Variants in MAGI2 observed in about 807,000 individuals in gnomAD.
MAGI2 encodes the protein membrane-associated guanylate kinase, WW and PDZ domain-containing protein 2.
A neutral mutation model predicts 133.3 loss-of-function variants in MAGI2; 35 were observed. The observed-to-expected ratio is 0.26, with a 90% confidence interval of 0.20 to 0.35. The LOEUF (loss-of-function observed/expected upper bound fraction) is 0.35, where lower values mean the gene tolerates loss of function less well. Ranked by LOEUF, MAGI2 falls within the 10% of genes least tolerant of loss-of-function variation. The pLI, the probability that MAGI2 is intolerant of heterozygous loss-of-function variation, is 1.00. For missense variants in MAGI2, 1,636 were observed against 1,863.4 expected, an observed-to-expected ratio of 0.88 and a Z score of 2.25; for synonymous variants, 729 against 710.6, an observed-to-expected ratio of 1.03 and a Z score of -0.41.
chr7:78,116,791 T>C (rs1310454634), intron 20 of MAGI2, among the ~76,000 whole-genome samples: 2 of 151,878 alleles, frequency 1.3e-5, no homozygotes, highest in East Asian at 3.9e-4. Flanking sequence ...GGTGGGAGGA[T>C]TACTTGAGCT....
intron 1 of MAGI2, among the ~76,000 whole-genome samples, chr7:79,354,874 G>T (rs879489928): frequency 4.6e-5 from 7 of 152,126 alleles, no homozygotes; most frequent in Non-Finnish European, 8.8e-5. Flanking sequence ...CTCCTAAGCC[G>T]CTCCTTAGTG....
At position 78,936,805 on chromosome 7, in the gene MAGI2, A is replaced by G. The variant is rs181233875; in HGVS notation, c.418+70285T>C. On this transcript the variant is annotated intron_variant, in intron 2 of 21. Transcript: ENST00000354212. ...GGAAAGAGGGAAGGCAAGAATAACT[A>G]TGGTGTTGGATTGCAATCAGAAATA... Among the ~76,000 whole-genome samples, 21 of 152,208 alleles carry G rather than the reference A, an allele frequency of 1.4e-4. No individual in the cohort carries two copies. The East Asian group carries it at 3.5e-3, about 25-fold the overall frequency.
intron 18 of MAGI2, among the ~76,000 whole-genome samples, 173 bp downstream of exon 18, chr7:78,132,716 C>G (rs547251663): frequency 2.0e-5 from 3 of 152,336 alleles, no homozygotes; most frequent in South Asian, 4.1e-4. Flanking sequence ...GCTATCTTTA[C>G]TAATAAAACC....
chr7:78,097,255 C>T (rs13235805), intron 20 of MAGI2, among the ~76,000 whole-genome samples: 16,739 of 152,048 alleles, frequency 0.11, 1,442 homozygotes, highest in East Asian at 0.44. Flanking sequence ...AGCGGTATGG[C>T]GATTCCTCAA....
intron 1 of MAGI2, among the ~76,000 whole-genome samples, chr7:79,063,486 C>T (rs1236488173): frequency 6.6e-6 from 1 of 152,008 alleles, no homozygotes; most frequent in Non-Finnish European, 1.5e-5. Flanking sequence ...GGGCAAAATC[C>T]TAACACCCCT....
At chr7:78,888,459 C>T (rs1796452007) in intron 2 of MAGI2, among the ~76,000 whole-genome samples, 1 of 152,202 alleles carries the variant, frequency 6.6e-6, no homozygotes, top group South Asian at 2.1e-4. Context: ...CCCTGAGTAG[C>T]CTAACTGGGA....
rs868060427 is a variant in MAGI2, at chr7:79,059,067, G to T, written c.302-51861C>A. Among the ~76,000 whole-genome samples, 10 of 152,000 alleles carry T rather than the reference G, an allele frequency of 6.6e-5. 1 individual carries two copies. In the Middle Eastern group the frequency reaches 0.024, roughly 364 times the overall value. ...ATAAAGAGTAAAATAATGGGTATTA[G>T]GTTGGTGCATTACCTTTAACGGCAA... is the stretch of plus-strand genomic sequence containing the variant. On this transcript the variant is annotated intron_variant, in intron 1 of 21. Transcript: ENST00000354212.
At chr7:79,016,005 G>GA (rs988298547) in intron 1 of MAGI2, among the ~76,000 whole-genome samples, 2 of 116,584 alleles carry the variant, frequency 1.7e-5, no homozygotes, top group African/African-American at 6.4e-5. Context: ...AAGCGGGGGG[G>GA]GGGGGTGGGG....
chr7:78,852,443 A>C (rs1793223715), intron 2 of MAGI2, among the ~76,000 whole-genome samples: 1 of 152,064 alleles, frequency 6.6e-6, no homozygotes, highest in African/African-American at 2.4e-5. Context: ...CTGTTTATGA[A>C]ACATTTCCAT....
intron 1 of MAGI2, among the ~76,000 whole-genome samples, chr7:79,102,971 C>T (rs1309356701): frequency 1.3e-5 from 2 of 152,182 alleles, no homozygotes; most frequent in Non-Finnish European, 2.9e-5. Context: ...AGGGTTGAGG[C>T]TTCCCTGTGG....
At chr7:78,721,821 T>A (rs1820296621) in intron 2 of MAGI2, among the ~76,000 whole-genome samples, 1 of 151,826 alleles carries the variant, frequency 6.6e-6, no homozygotes. Flanking sequence ...CAGATAAAAA[T>A]AATAATTTTT....
At chr7:78,527,365 T>C (rs1797068844) in intron 3 of MAGI2, among the ~76,000 whole-genome samples, 1 of 152,226 alleles carries the variant, frequency 6.6e-6, no homozygotes. Context: ...AATTGACCTT[T>C]GCATAAAAGT....
intron 2 of MAGI2, among the ~76,000 whole-genome samples, chr7:78,706,655 A>T (rs1818678994): frequency 6.6e-6 from 1 of 152,130 alleles, no homozygotes; most frequent in African/African-American, 2.4e-5. Flanking sequence ...ATTAGCCAAC[A>T]GTGTAATCCA....
Position 78,406,342 on chromosome 7 carries a change from C to T in MAGI2, c.1046-37129G>A, listed in dbSNP as rs76295247. Among the ~76,000 whole-genome samples the T allele has an allele frequency of 7.9e-3, 1,197 of 152,102 alleles. 40 individuals carry two copies. The highest frequency in any genetic ancestry group is 0.077 in the East Asian group (401 of 5,184). ...CCTTTGTAACTAGGAGCTGTATTTC[C>T]GACCTTGCTTTGTAAGTTTGGTTGT... is the stretch of plus-strand genomic sequence containing the variant. On this transcript the variant is annotated intron_variant, in intron 6 of 21. Coordinates refer to ENST00000354212, the MANE Select transcript of MAGI2 (RefSeq NM_012301.4).
chr7:78,232,008 T>C (rs551170908), intron 10 of MAGI2, among the ~76,000 whole-genome samples: 15 of 150,414 alleles, frequency 1.0e-4, no homozygotes, highest in Non-Finnish European at 1.9e-4. Context: ...TGGGGGAGGG[T>C]GGGATGGCCT....
rs1427314519 is a variant in MAGI2, at chr7:79,168,885, GATAGATATATATAT to G, written c.302-161693_302-161680del. Reference sequence around the variant, plus strand: ...TGTCTGCCAGGTTTTTCTTTCTAAAGATAGATATATATATATATATATATATATATATATATATA... The same window carrying G: ...TGTCTGCCAGGTTTTTCTTTCTAAAGATATATATATATATATATATATATA... On this transcript the variant is annotated intron_variant, in intron 1 of 21. Transcript: ENST00000354212. 3.6e-3 allele frequency among the ~76,000 whole-genome samples: 503 copies of G among 138,822 alleles called. 7 individuals are homozygous for G. Among genetic ancestry groups the G allele is most frequent in the African/African-American group, 0.014 (476 of 34,442 alleles). 91.1% of individuals were successfully genotyped at this position (138,822 alleles called of 152,430 possible).
intron 20 of MAGI2, among the ~76,000 whole-genome samples, chr7:78,105,917 G>C (rs1178589910): frequency 1.3e-5 from 2 of 151,660 alleles, no homozygotes; most frequent in East Asian, 3.9e-4. Context: ...GTTGACTATA[G>C]TCACCCTGTT....
chr7:79,442,096 T>C (rs1224884017), intron 1 of MAGI2, among the ~76,000 whole-genome samples: 1 of 152,216 alleles, frequency 6.6e-6, no homozygotes, highest in Non-Finnish European at 1.5e-5. Context: ...TTGTACATTA[T>C]GTGGTCCACC....
At chr7:78,321,261 A>G (rs1283083921) in intron 9 of MAGI2, among the ~76,000 whole-genome samples, 2 of 152,216 alleles carry the variant, frequency 1.3e-5, no homozygotes, top group Non-Finnish European at 1.5e-5. Context: ...CAGAATTGGA[A>G]AAAATTACTT....
Sources: allele counts gnomAD v4.1 joint callset (sites outside exome capture counted in the v4.1 genomes callset), GRCh38; gene constraint gnomAD v4.1.1; transcripts MANE v1.5; gene names NCBI Gene and HGNC (gene_info 2026-07-23, HGNC 2026-07-21).